Variants in CDH13 observed in about 807,000 individuals in gnomAD.
The protein encoded by CDH13 is cadherin-13.
A neutral mutation model predicts 63.8 loss-of-function variants in CDH13; 24 were observed. The observed-to-expected ratio is 0.38, with a 90% CI of 0.27 to 0.53. The LOEUF (loss-of-function observed/expected upper bound fraction) is 0.53, where lower values mean the gene tolerates loss of function less well. CDH13 is among the 20% of genes least tolerant of loss of function. The pLI is 0.85. For missense variants in CDH13, 1,049 were observed against 903.1 expected (o/e 1.16, Z -2.07); for synonymous variants, 503 against 355.3 (o/e 1.42, Z -4.67).
At chr16:82,989,594 G>C (rs1238785444) in intron 2 of CDH13, among the ~76,000 whole-genome samples, 2 of 152,216 alleles carry the variant, frequency 1.3e-5, no homozygotes, top group Non-Finnish European at 2.9e-5. Flanking sequence ...GCCTAGATGA[G>C]GCTGTGTGGA....
At chr16:83,192,227 G>A (rs1597492295) in intron 4 of CDH13, among the ~76,000 whole-genome samples, 1 of 152,132 alleles carries the variant, frequency 6.6e-6, no homozygotes, top group South Asian at 2.1e-4. Flanking sequence ...TGCAATAATG[G>A]TGGCCGCTTC....
intron 6 of CDH13, among the ~76,000 whole-genome samples, chr16:83,409,171 G>C (rs1159865140): frequency 6.6e-6 from 1 of 152,146 alleles, no homozygotes; most frequent in African/African-American, 2.4e-5. Context: ...CTGCTTTCAT[G>C]AGAGACTGGA....
chr16:83,115,026 G>A (rs1278786040), intron 3 of CDH13, among the ~76,000 whole-genome samples: 1 of 152,192 alleles, frequency 6.6e-6, no homozygotes, highest in East Asian at 1.9e-4. Flanking sequence ...CCAGGGGCTG[G>A]AGATTTGTTC....
At chr16:82,820,385 T>C (rs1302980970) in intron 1 of CDH13, among the ~76,000 whole-genome samples, 2 of 152,186 alleles carry the variant, frequency 1.3e-5, no homozygotes, top group Non-Finnish European at 2.9e-5. Context: ...TATTAGCACA[T>C]TTAATCCTTA....
At chr16:83,780,816 C>G (rs543942628) in intron 12 of CDH13, among the ~76,000 whole-genome samples, 1 of 152,352 alleles carries the variant, frequency 6.6e-6, no homozygotes, top group African/African-American at 2.4e-5. Flanking sequence ...CTCTGCTTCT[C>G]CCCAGCTATC....
chr16:82,811,265 A>C (rs1042199653), intron 1 of CDH13, among the ~76,000 whole-genome samples: 1 of 152,140 alleles, frequency 6.6e-6, no homozygotes, highest in African/African-American at 2.4e-5. Flanking sequence ...TATATCATAG[A>C]ATATGGAAAA....
intron 3 of CDH13, among the ~76,000 whole-genome samples, chr16:83,092,209 G>T (rs2033947320): frequency 6.6e-6 from 1 of 152,178 alleles, no homozygotes; most frequent in African/African-American, 2.4e-5. Context: ...CTTATCCAAA[G>T]TGACACAATT....
rs1007893501 is a variant in CDH13, at chr16:83,505,265, A to T, written c.960+18610A>T. Among the ~76,000 whole-genome samples, 3 of 152,226 alleles carry T rather than the reference A, an allele frequency of 2.0e-5. No individual in the cohort carries two copies. The South Asian group carries it at 6.2e-4, about 32-fold the overall frequency. On this transcript the variant is annotated intron_variant, in intron 7 of 13. Coordinates refer to ENST00000567109, the MANE Select transcript of CDH13 (RefSeq NM_001257.5). ...CTCAGTTCTAACTGTCATAATGCCT[A>T]GCGGGCGTTAGCCTACAACGAAGGA...
At chr16:83,775,570 C>A (rs1915051152) in intron 11 of CDH13, among the ~76,000 whole-genome samples, 1 of 152,120 alleles carries the variant, frequency 6.6e-6, no homozygotes, top group African/African-American at 2.4e-5. Context: ...GAGGGAGTCC[C>A]ATTCTAGCTC....
intron 5 of CDH13, among the ~76,000 whole-genome samples, chr16:83,330,217 A>G (rs969470818): frequency 2.0e-5 from 3 of 152,238 alleles, no homozygotes; most frequent in African/African-American, 4.8e-5. Flanking sequence ...ACACACACAC[A>G]CATGCACACA....
chr16:83,551,533 C>T (rs1285389125), intron 7 of CDH13, among the ~76,000 whole-genome samples: 1 of 152,306 alleles, frequency 6.6e-6, no homozygotes, highest in East Asian at 1.9e-4. Context: ...TGGTGCTTCA[C>T]TGTGTGCTGT....
intron 10 of CDH13, among the ~76,000 whole-genome samples, chr16:83,714,273 A>G (rs1908550921): frequency 6.6e-6 from 1 of 152,212 alleles, no homozygotes; most frequent in Admixed American, 6.5e-5. Flanking sequence ...CCCAAGTGCT[A>G]TTAATATCCC....
At chr16:83,384,372 C>T (rs2091630978) in intron 6 of CDH13, among the ~76,000 whole-genome samples, 1 of 152,178 alleles carries the variant, frequency 6.6e-6, no homozygotes, top group Non-Finnish European at 1.5e-5. Flanking sequence ...CCTTTCTTCC[C>T]TCCAAGTCCC....
chr16:82,997,197 G>A (rs1912342376), intron 2 of CDH13, among the ~76,000 whole-genome samples: 7 of 151,788 alleles, frequency 4.6e-5, no homozygotes, highest in Admixed American at 2.6e-4. Flanking sequence ...GTTGATGGTA[G>A]TGATGATGAT....
chr16:82,719,947 A>C (rs79202340), intron 1 of CDH13, among the ~76,000 whole-genome samples: 1,557 of 152,202 alleles, frequency 0.01, 28 homozygotes, highest in African/African-American at 0.036. Context: ...AATGAAATAT[A>C]ATGAAAGCAA....
intron 5 of CDH13, among the ~76,000 whole-genome samples, chr16:83,288,538 G>T (rs1029723612): frequency 5.3e-5 from 8 of 152,274 alleles, no homozygotes; most frequent in African/African-American, 1.7e-4. Flanking sequence ...CCTTCTGGAA[G>T]CCATCCCCCA....
At chr16:83,053,454 G>T (rs1337802343) in intron 3 of CDH13, among the ~76,000 whole-genome samples, 1 of 152,040 alleles carries the variant, frequency 6.6e-6, no homozygotes, top group Non-Finnish European at 1.5e-5. Context: ...ACAGTAAGAA[G>T]ATTTATCAAG....
chr16:83,350,175 C>T (rs866817555), intron 6 of CDH13, among the ~76,000 whole-genome samples: 2 of 152,280 alleles, frequency 1.3e-5, no homozygotes, highest in African/African-American at 4.8e-5. Flanking sequence ...CTTGAGGCCT[C>T]GGCCTTCCAA....
At chr16:83,189,959 C>T (rs2038645524) in intron 4 of CDH13, among the ~76,000 whole-genome samples, 1 of 152,126 alleles carries the variant, frequency 6.6e-6, no homozygotes, top group Non-Finnish European at 1.5e-5. Flanking sequence ...CTCTTGCCTG[C>T]CCCCATGTAA....
Sources: gnomAD v4.1 joint callset for allele counts (sites outside exome capture counted in the v4.1 genomes callset) on GRCh38, gnomAD v4.1.1 for gene constraint, MANE v1.5 for transcripts, NCBI Gene and HGNC (gene_info 2026-07-23, HGNC 2026-07-21) for gene names.